PRORP: variants seen among roughly 807,000 people sequenced by gnomAD.
The protein encoded by PRORP is mitochondrial ribonuclease P catalytic subunit.
A neutral mutation model predicts 59.4 loss-of-function variants in PRORP; 51 were observed. The ratio of observed to expected loss-of-function variants is 0.86; its 90% CI spans 0.69 to 1.08. The LOEUF is 1.08. Ranked by LOEUF, PRORP falls within the 50% of genes least tolerant of loss-of-function variation. The pLI, the probability that PRORP is intolerant of heterozygous loss-of-function variation, is 0.00. For synonymous variants in PRORP, 231 were observed against 245.6 expected (o/e 0.94, Z 0.55); for missense variants, 646 against 690.3 (o/e 0.94, Z 0.72).
intron 4 of PRORP, among the ~76,000 whole-genome samples, chr14:35,175,881 A>G (rs1165944057): frequency 6.6e-6 from 1 of 152,190 alleles, no homozygotes; most frequent in African/African-American, 2.4e-5. Context: ...TAGGTCTAAC[A>G]TTTAAGTCTT....
intron 5 of PRORP, among the ~76,000 whole-genome samples, chr14:35,184,550 A>T (rs1157421484): frequency 6.6e-6 from 1 of 152,152 alleles, no homozygotes; most frequent in Non-Finnish European, 1.5e-5. Flanking sequence ...GCTTGGGGGT[A>T]CATGGGAAGG....
chr14:35,245,177 A>G (rs527502684), intron 5 of PRORP, among the ~76,000 whole-genome samples: 1 of 152,326 alleles, frequency 6.6e-6, no homozygotes, highest in African/African-American at 2.4e-5. Flanking sequence ...TAAACTCACC[A>G]TGGCTTTCCT....
At chr14:35,258,583 G>A (rs2050818050) in intron 5 of PRORP, among the ~76,000 whole-genome samples, 1 of 151,750 alleles carries the variant, frequency 6.6e-6, no homozygotes, top group Admixed American at 6.6e-5. Flanking sequence ...TGGGCCAAGT[G>A]TACTCCTTAT....
At chr14:35,211,288 T>TTATTTG (rs1336358371) in intron 5 of PRORP, among the ~76,000 whole-genome samples, 4 of 152,156 alleles carry the variant, frequency 2.6e-5, no homozygotes, top group African/African-American at 7.2e-5. Context: ...AACATCTTAT[T>TTATTTG]TATTTGTTTT....
intron 5 of PRORP, among the ~76,000 whole-genome samples, chr14:35,190,862 T>A (rs1471221485): frequency 6.6e-6 from 1 of 152,220 alleles, no homozygotes; most frequent in Admixed American, 6.5e-5. Context: ...AACTTTTATA[T>A]AGCACTTGAA....
At chr14:35,255,663 A>G (rs1213120268) in intron 5 of PRORP, among the ~76,000 whole-genome samples, 2 of 152,202 alleles carry the variant, frequency 1.3e-5, no homozygotes, top group Admixed American at 6.5e-5. Flanking sequence ...ACATGCATGT[A>G]CCACCAAACA....
At chr14:35,267,878 G>GA (rs948923896) in intron 6 of PRORP, among the ~76,000 whole-genome samples, 2 of 152,162 alleles carry the variant, frequency 1.3e-5, no homozygotes, top group Non-Finnish European at 2.9e-5. Flanking sequence ...TAGCAAGAGG[G>GA]AAAGTAATAA....
intron 5 of PRORP, among the ~76,000 whole-genome samples, chr14:35,227,582 A>G (rs2049967401): frequency 6.6e-6 from 1 of 152,112 alleles, no homozygotes; most frequent in African/African-American, 2.4e-5. Flanking sequence ...TTTAGCTTTT[A>G]ATGTTCTTCT....
Position 35,273,563 on chromosome 14 carries a change from A to G in PRORP, c.1749A>G (p.Thr583=), listed in dbSNP as rs747577486. ...AATGGCTTTGCCTCCACCAAAAGAC[A>G]TAGAGATTCTTACCTCTATGCTAAG... ...PTKWLCLHQK[T] The change falls in exon 8 of 8, where the codon ACA becomes ACG. Residue 583 remains threonine, a synonymous_variant. Coordinates refer to ENST00000534898, the MANE Select transcript of PRORP (RefSeq NM_014672.4). 1.3e-5 allele frequency: 21 copies of G among 1,612,554 alleles called. No homozygotes were observed. The Admixed American group carries it at 1.3e-4, about 10-fold the overall frequency.
intron 5 of PRORP, among the ~76,000 whole-genome samples, chr14:35,220,015 C>A (rs1325046671): frequency 6.6e-6 from 1 of 152,152 alleles, no homozygotes; most frequent in African/African-American, 2.4e-5. Context: ...CTCAAAAGGT[C>A]ATTGGATTTA....
intron 5 of PRORP, among the ~76,000 whole-genome samples, chr14:35,246,573 C>T (rs947511537): frequency 3.9e-5 from 6 of 152,148 alleles, no homozygotes; most frequent in African/African-American, 1.4e-4. Flanking sequence ...TCAGTTACCA[C>T]TTGTTTATCT....
intron 5 of PRORP, among the ~76,000 whole-genome samples, chr14:35,206,467 T>A (rs987434772): frequency 2.0e-5 from 3 of 152,208 alleles, no homozygotes; most frequent in African/African-American, 7.2e-5. Flanking sequence ...GGACTTCTGT[T>A]TTAATTACTG....
rs76477999 is a variant in PRORP at position 35,170,002 on chromosome 14, A to G, written c.1168-10668A>G. Among the ~76,000 whole-genome samples, 617 of 152,228 alleles carry G rather than the reference A, an allele frequency of 4.1e-3. 6 individuals carry two copies. Among genetic ancestry groups the G allele is most frequent in the African/African-American group, 0.014 (590 of 41,538 alleles). On this transcript the variant is annotated intron_variant, in intron 4 of 7. Transcript: ENST00000534898. ...TCCTTTATCCACATCTTGAAGCTCT[A>G]TTGTTATTTATGATATGACTTTGAT...
intron 5 of PRORP, among the ~76,000 whole-genome samples, chr14:35,183,221 T>C (rs368200797): frequency 3.3e-5 from 5 of 150,552 alleles, no homozygotes; most frequent in Non-Finnish European, 5.9e-5. Flanking sequence ...CATACATACA[T>C]ACACACACAC....
At chr14:35,173,638 C>T (rs150126257) in intron 4 of PRORP, among the ~76,000 whole-genome samples, 36 of 152,202 alleles carry the variant, frequency 2.4e-4, no homozygotes, top group Non-Finnish European at 5.0e-4. Flanking sequence ...GCTTGATTTC[C>T]AGCTGTTCCT....
chr14:35,134,655 G>T (rs1409044311), intron 4 of PRORP, among the ~76,000 whole-genome samples: 3 of 152,088 alleles, frequency 2.0e-5, no homozygotes, highest in African/African-American at 7.2e-5. Flanking sequence ...CTGAGCTGGT[G>T]TCCAAGATGC....
intron 4 of PRORP, among the ~76,000 whole-genome samples, chr14:35,176,016 G>A (rs2048440621): frequency 6.6e-6 from 1 of 152,110 alleles, no homozygotes; most frequent in Admixed American, 6.6e-5. Context: ...CCCATTGCTT[G>A]TTTTTGTCAG....
In PRORP at chr14:35,127,424, C is replaced by T. The variant is rs1197731634; in HGVS notation, c.1035-55C>T. On this transcript the variant is annotated intron_variant, in intron 3 of 7. Transcript: ENST00000534898. The stretch of plus-strand genomic sequence containing the variant: ...ATTGTTCATTTCACAAATTTTTTTC[C>T]CCAGAACATTATTCGACATATTTAA... The T allele has an allele frequency of 5.0e-5, 66 of 1,321,790 alleles. No individual in the cohort carries two copies. In the South Asian group the frequency reaches 8.4e-4, roughly 17 times the overall value. The allele number at this position is 1,321,790 out of a possible 1,614,324, so 81.9% of individuals were successfully genotyped here.
intron 5 of PRORP, among the ~76,000 whole-genome samples, chr14:35,209,362 A>G (rs1376105427): frequency 1.3e-5 from 2 of 152,222 alleles, no homozygotes; most frequent in African/African-American, 4.8e-5. Context: ...CTTCCTCCTC[A>G]TAAATTTCCA....
Sources: allele counts gnomAD v4.1 joint callset (sites outside exome capture counted in the v4.1 genomes callset), GRCh38; gene constraint gnomAD v4.1.1; transcripts MANE v1.5; gene names NCBI Gene and HGNC (gene_info 2026-07-23, HGNC 2026-07-21).